DIAPH1: variants seen among roughly 807,000 people sequenced by gnomAD.
DIAPH1 encodes the protein diaphanous related formin 1.
Under a neutral mutation model 140.7 loss-of-function variants are expected in DIAPH1, and 46 were observed. The observed-to-expected ratio is 0.33, with a 90% CI of 0.26 to 0.42. DIAPH1 has a LOEUF of 0.42. Ranked by LOEUF, DIAPH1 falls within the 10% of genes least tolerant of loss-of-function variation. The probability of loss-of-function intolerance (pLI) is 1.00; values close to 1 mark genes in which losing one functional copy is unlikely to be tolerated. For synonymous variants in DIAPH1, 565 were observed against 551.6 expected, an observed-to-expected ratio of 1.02 and a Z score of -0.34; for missense variants, 1,310 against 1,558.7, an observed-to-expected ratio of 0.84 and a Z score of 2.69.
At chr5:141,526,557 A>G in intron 24 of DIAPH1, 96 bp from the exon 25 acceptor site, 1 of 1,460,802 alleles carries the variant, frequency 6.8e-7, no homozygotes, top group Non-Finnish European at 9.6e-7. Flanking sequence ...TGGCATGCAA[A>G]GGGATGTTCA....
intron 27 of DIAPH1, among the ~76,000 whole-genome samples, chr5:141,522,702 CA>C (rs1469622155): frequency 6.6e-6 from 1 of 151,844 alleles, no homozygotes; most frequent in Admixed American, 6.6e-5. Context: ...CCTATAAAGA[CA>C]AAATACAGGA....
At chr5:141,535,892 A>T (rs1329526414) in intron 18 of DIAPH1, among the ~76,000 whole-genome samples, 2 of 152,260 alleles carry the variant, frequency 1.3e-5, no homozygotes, top group Non-Finnish European at 2.9e-5. Flanking sequence ...ACTTTTGAAC[A>T]CAACCTTTTT....
At chr5:141,544,853 T>A (rs957730278) in intron 18 of DIAPH1, among the ~76,000 whole-genome samples, 1 of 152,212 alleles carries the variant, frequency 6.6e-6, no homozygotes, top group African/African-American at 2.4e-5. Context: ...CAGTTAAACA[T>A]ACATTTACCA....
intron 18 of DIAPH1, among the ~76,000 whole-genome samples, chr5:141,546,651 GAAAAAAAAAAGAAA>G (rs1346033898): frequency 2.7e-5 from 3 of 109,350 alleles, no homozygotes; most frequent in African/African-American, 1.0e-4. Flanking sequence ...ATGAGACTCT[GAAAAAAAAAAGAAA>G]AAAAAAAAAA....
At chr5:141,526,741 G>C (rs1368361471) in intron 24 of DIAPH1, among the ~76,000 whole-genome samples, 1 of 152,102 alleles carries the variant, frequency 6.6e-6, no homozygotes, top group Non-Finnish European at 1.5e-5. Context: ...TCTATCGCCG[G>C]GCAGGAGTGC....
chr5:141,543,257 C>A (rs1459071986), intron 18 of DIAPH1, among the ~76,000 whole-genome samples: 2 of 152,226 alleles, frequency 1.3e-5, no homozygotes, highest in Middle Eastern at 3.4e-3. Context: ...TGAAAGAAGC[C>A]AGACACAAAG....
In DIAPH1 at chr5:141,582,351, A is replaced by G. The variant is rs1479042260; in HGVS notation, c.645T>C (p.His215=). ...AAGCTTTCAAGCAGCGAATGATCTC[A>G]TGCTTGTTCCGGCTATCGTAACTCC... ...TAGSYDSRNK[H]EIIRCLKAFM... The change falls in exon 7 of 28, where the codon CAT becomes CAC. Residue 215 remains histidine, a synonymous_variant. Transcript: ENST00000389054. 7 of 1,607,780 alleles carry G rather than the reference A, an allele frequency of 4.4e-6. No homozygotes were observed. In the African/African-American group the frequency reaches 5.3e-5, roughly 12 times the overall value.
chr5:141,520,765 C>G (rs934019838), intron 27 of DIAPH1, among the ~76,000 whole-genome samples: 9 of 152,138 alleles, frequency 5.9e-5, no homozygotes, highest in African/African-American at 2.2e-4. Context: ...ATATTTCCGG[C>G]CCATACTGTG....
chr5:141,577,560 T>G lies in DIAPH1; in HGVS notation c.1195A>C (p.Asn399His), dbSNP rs772205627. 6.2e-7 allele frequency: 1 copy of G among 1,613,612 alleles called. No individual in the cohort carries two copies. Among genetic ancestry groups the G allele is most frequent in the South Asian group, 1.1e-5 (1 of 91,064 alleles). The change falls in exon 12 of 28, where the codon AAC becomes CAC. Residue 399 changes from asparagine (N) to histidine (H), a missense_variant. Around this residue, in one of 3 missense-constraint regions of DIAPH1, gnomAD observed 377 missense variants for 497.1 expected, o/e 0.76. Transcript: ENST00000389054. ...TCTGCCTTTGAATCCTTCACTGTGT[T>G]TAAGAGAATCTGAAAGACTTCATTA... ...DFNEVFQILL[N>H]TVKDSKAEPH...
chr5:141,527,699 T>TAAAAAAAAAAAAAAAAA lies in DIAPH1; in HGVS notation c.3149-19_3149-3dup. On this transcript the variant is annotated splice_polypyrimidine_tract_variant and splice_region_variant and intron_variant, in intron 23 of 27. Coordinates refer to ENST00000389054, the MANE Select transcript of DIAPH1 (RefSeq NM_005219.5). ...TCTTTTGCAAGTTTTCAGCAGAAAC[T>TAAAAAAAAAAAAAAAAA]AAAAAAAAAAAAAAAAAAAAAAACC... 2.6e-5 allele frequency: 29 copies of TAAAAAAAAAAAAAAAAA among 1,130,042 alleles called. No homozygotes were observed. Among genetic ancestry groups the TAAAAAAAAAAAAAAAAA allele is most frequent in the East Asian group, 1.8e-4 (5 of 27,438 alleles). 70.0% of individuals were successfully genotyped at this position (1,130,042 alleles called of 1,614,324 possible).
intron 1 of DIAPH1, among the ~76,000 whole-genome samples, chr5:141,618,069 T>C (rs2099902972): frequency 6.6e-6 from 1 of 152,220 alleles, no homozygotes; most frequent in Non-Finnish European, 1.5e-5. Flanking sequence ...GGCACAATCA[T>C]GAGAGTTCTA....
intron 18 of DIAPH1, among the ~76,000 whole-genome samples, chr5:141,548,152 T>C (rs1315993169): frequency 2.6e-5 from 4 of 151,894 alleles, no homozygotes; most frequent in South Asian, 4.1e-4. Context: ...TGAGCTATGA[T>C]TGCGCCACTC....
In DIAPH1 at chr5:141,618,949, A is replaced by T. The variant is rs1596422502; in HGVS notation, c.-35T>A. ...CACGCTGGCCGGCGACCCCGCGCCT[A>T]CGCCGCTCCCGCCTGGCAGCTCCGC... On this transcript the variant is annotated 5_prime_UTR_variant, in exon 1 of 28. Transcript: ENST00000389054. The T allele has an allele frequency of 3.9e-6, 5 of 1,296,996 alleles. No individual in the cohort carries two copies. Among genetic ancestry groups the T allele is most frequent in the Non-Finnish European group, 5.2e-6 (5 of 968,456 alleles). The allele number at this position is 1,296,996 out of a possible 1,614,324, so 80.3% of individuals were successfully genotyped here. A position where few individuals can be genotyped will look rare whatever the true frequency, so the allele number is the denominator to read the frequency against.
intron 1 of DIAPH1, among the ~76,000 whole-genome samples, chr5:141,615,888 C>T (rs1369069269): frequency 1.3e-5 from 2 of 152,176 alleles, no homozygotes; most frequent in Admixed American, 6.5e-5. Context: ...TCCTAACATC[C>T]CGGTTCTACT....
chr5:141,526,110 C>T lies in DIAPH1; in HGVS notation c.3502G>A (p.Ala1168Thr). 7 of 1,614,116 alleles carry T rather than the reference C, an allele frequency of 4.3e-6. No individual in the cohort carries two copies. The East Asian group carries it at 1.6e-4, about 36-fold the overall frequency. ...CGCTCCTTCTCTGCCTTCTCCTTGG[C>T]TAGTTTTGCTCGCCTCATCTTTTCT... is the stretch of plus-strand genomic sequence containing the variant. ...TEEKMRRAKL[A>T]KEKAEKERLE... Residue 1168 changes from alanine to threonine, a missense_variant, in exon 26 of 28, where the codon GCC (alanine) becomes ACC (threonine). By Grantham distance (58) the Ala-to-Thr change is moderately conservative. Coordinates refer to ENST00000389054, the MANE Select transcript of DIAPH1 (RefSeq NM_005219.5).
At chr5:141,537,540 T>G (rs970834716) in intron 18 of DIAPH1, among the ~76,000 whole-genome samples, 1 of 138,568 alleles carries the variant, frequency 7.2e-6, no homozygotes, top group Non-Finnish European at 1.6e-5. Context: ...GTGGAAGATA[T>G]GACTATATAT....
chr5:141,574,306 G>T, intron 15 of DIAPH1, 98 bp from the exon 16 acceptor site: 1 of 1,229,338 alleles, frequency 8.1e-7, no homozygotes, highest in Non-Finnish European at 1.2e-6. Context: ...AACTTCTCAT[G>T]TTACAAATGG....
At chr5:141,538,995 C>T (rs937641038) in intron 18 of DIAPH1, among the ~76,000 whole-genome samples, 1 of 151,986 alleles carries the variant, frequency 6.6e-6, no homozygotes, top group Non-Finnish European at 1.5e-5. Context: ...GAGATGTGAG[C>T]CAGGCGTGGT....
In DIAPH1 at chr5:141,574,141, A is replaced by C. The variant is rs532251881; in HGVS notation, c.1709T>G (p.Ile570Ser). Residue 570 changes from isoleucine (I) to serine (S), a missense_variant, in exon 16 of 28, where the codon ATT becomes AGT. Physicochemically the swap from Ile to Ser is moderately radical, Grantham distance 142. Around this residue, in one of 3 missense-constraint regions of DIAPH1, gnomAD observed 589 missense variants for 549.3 expected, o/e 1.07. Transcript: ENST00000389054. Reference protein sequence around the residue: ...KEMASLSAAAITVPPSVPSRA... With the variant: ...KEMASLSAAASTVPPSVPSRA... ...ACTAGGAACAGAAGGAGGTACAGTA[A>C]TAGCTGCCGCAGAGAGGGAAGCCAT... 2 of 1,614,030 alleles carry C rather than the reference A, an allele frequency of 1.2e-6. No individual in the cohort carries two copies. Among genetic ancestry groups the C allele is most frequent in the South Asian group, 2.2e-5 (2 of 91,074 alleles).
Sources: allele counts gnomAD v4.1 joint callset (sites outside exome capture counted in the v4.1 genomes callset), GRCh38; gene constraint gnomAD v4.1.1; regional missense constraint gnomAD v4.1.1; transcripts MANE v1.5; gene names NCBI Gene and HGNC (gene_info 2026-07-23, HGNC 2026-07-21).